PCDH15: variants seen among roughly 807,000 people sequenced by gnomAD.
PCDH15 encodes the protein protocadherin-15.
In PCDH15, 129 loss-of-function variants were observed where a neutral mutation model predicts 178.5. That is an observed-to-expected ratio of 0.72 (90% CI 0.63 to 0.84). The LOEUF is 0.84. PCDH15 is among the 40% of genes least tolerant of loss of function. PCDH15 has a pLI of 0.00. For synonymous variants in PCDH15, 800 were observed against 732.0 expected (o/e 1.09, Z -1.50); for missense variants, 2,230 against 2,099.9 (o/e 1.06, Z -1.21).
intron 2 of PCDH15, among the ~76,000 whole-genome samples, chr10:55,438,413 C>T (rs959122981): frequency 2.6e-5 from 4 of 152,122 alleles, no homozygotes; most frequent in African/African-American, 9.7e-5. Flanking sequence ...CAACAGCCAG[C>T]TCAGTATCTA....
At chr10:55,495,140 C>A (rs1421009162) in intron 2 of PCDH15, among the ~76,000 whole-genome samples, 2 of 151,606 alleles carry the variant, frequency 1.3e-5, no homozygotes, top group East Asian at 3.9e-4. Flanking sequence ...GAGTTAAAAC[C>A]ACAAAACTCT....
chr10:55,153,312 A>C (rs1838789498), intron 2 of PCDH15, among the ~76,000 whole-genome samples: 1 of 152,072 alleles, frequency 6.6e-6, no homozygotes, highest in Non-Finnish European at 1.5e-5. Context: ...GTGGGAGGTG[A>C]AATCCAGCCT....
intron 2 of PCDH15, among the ~76,000 whole-genome samples, chr10:54,947,825 T>G (rs1208013458): frequency 3.3e-5 from 5 of 151,942 alleles, no homozygotes; most frequent in Admixed American, 1.3e-4. Context: ...TTCTATCAAT[T>G]TATTTCCCTT....
intron 2 of PCDH15, among the ~76,000 whole-genome samples, chr10:55,594,989 T>G (rs1295145475): frequency 6.6e-6 from 1 of 152,034 alleles, no homozygotes; most frequent in Non-Finnish European, 1.5e-5. Context: ...CTGCCTTACT[T>G]AATGTAACAG....
chr10:54,240,626 CTTTTTT>C (rs1228784141), intron 8 of PCDH15, among the ~76,000 whole-genome samples: 3 of 79,662 alleles, frequency 3.8e-5, no homozygotes, highest in Non-Finnish European at 4.5e-5. Flanking sequence ...TTTTCTTTTG[CTTTTTT>C]TTTTTTTTTT....
rs77755229 is a variant in PCDH15 at position 55,508,978 on chromosome 10, A to T, written c.-156+118647T>A. On this transcript the variant is annotated intron_variant, in intron 2 of 5. Coordinates refer to the PCDH15 transcript ENST00000613346. ...GCAAAACAAAACAAAACAAAAAAAA[A>T]TATTTTTATTTCATAACACAAAAGC... 4.7e-3 allele frequency among the ~76,000 whole-genome samples: 718 copies of T among 151,924 alleles called. 6 individuals are homozygous for T. The highest frequency in any genetic ancestry group is 0.016 in the African/African-American group (684 of 41,526).
At chr10:54,465,306 G>T (rs573191863) in intron 3 of PCDH15, among the ~76,000 whole-genome samples, 1 of 151,864 alleles carries the variant, frequency 6.6e-6, no homozygotes, top group East Asian at 1.9e-4. Flanking sequence ...GTACATTGTT[G>T]TTTAGTAACT....
At chr10:54,967,818 G>A (rs1838830027) in intron 2 of PCDH15, among the ~76,000 whole-genome samples, 1 of 152,092 alleles carries the variant, frequency 6.6e-6, no homozygotes, top group African/African-American at 2.4e-5. Context: ...GATTTTTTCT[G>A]AGGCCTATTT....
intron 2 of PCDH15, among the ~76,000 whole-genome samples, chr10:55,593,238 T>C (rs915649774): frequency 6.6e-6 from 1 of 151,988 alleles, no homozygotes; most frequent in African/African-American, 2.4e-5. Flanking sequence ...TTTTCCAAAA[T>C]GTATGCTAAC....
At chr10:53,882,504 G>T (rs1425481022) in intron 26 of PCDH15, among the ~76,000 whole-genome samples, 1 of 152,166 alleles carries the variant, frequency 6.6e-6, no homozygotes, top group Non-Finnish European at 1.5e-5. Context: ...TAGGATTACA[G>T]GCACGCGCCA....
intron 2 of PCDH15, among the ~76,000 whole-genome samples, chr10:55,502,485 T>C (rs1464052578): frequency 3.3e-5 from 5 of 151,692 alleles, no homozygotes; most frequent in Admixed American, 6.6e-5. Context: ...GGATGTCACG[T>C]TGGAGTGTCA....
In PCDH15 at chr10:54,421,694, A is replaced by ATATATATATG. The variant is rs1955382559; in HGVS notation, c.158-42753_158-42752insCATATATATA. The stretch of plus-strand genomic sequence containing the variant: ...TACATATATATATATATATATATAT[A>ATATATATATG]CACACACACACACACACTATATATA... On this transcript the variant is annotated intron_variant, in intron 3 of 37. Transcript: ENST00000644397. 4.9e-5 allele frequency among the ~76,000 whole-genome samples: 4 copies of ATATATATATG among 81,734 alleles called. 1 individual carries two copies. Among genetic ancestry groups the ATATATATATG allele is most frequent in the African/African-American group, 9.9e-5 (1 of 10,112 alleles). 53.6% of individuals were successfully genotyped at this position (81,734 alleles called of 152,430 possible).
rs368937377 is a variant in PCDH15 at position 55,102,805 on chromosome 10, C to G, written c.-80+63771G>C. On this transcript the variant is annotated intron_variant, in intron 2 of 5. Transcript: ENST00000458638. ...GTGTAACATAAACATTTGAATAACA[C>G]ATATTTTTGTGTTATATATGTTATA... Among the ~76,000 whole-genome samples the G allele has an allele frequency of 2.0e-5, 3 of 151,226 alleles. No individual in the cohort carries two copies. The East Asian group carries it at 5.8e-4, about 29-fold the overall frequency.
chr10:55,585,953 C>T (rs1842719894), intron 2 of PCDH15, among the ~76,000 whole-genome samples: 1 of 151,994 alleles, frequency 6.6e-6, no homozygotes, highest in South Asian at 2.1e-4. Flanking sequence ...GGATGAATCT[C>T]CACATTTTTG....
Position 55,010,571 on chromosome 10 carries a change from G to A in PCDH15, c.-79-113071C>T, listed in dbSNP as rs114828110. Reference sequence around the variant, plus strand: ...ACTTGAATGACAAGAAGTCAGCCATGTCATTCAGGCTGAGGTGGCAACAGG... The same window carrying A: ...ACTTGAATGACAAGAAGTCAGCCATATCATTCAGGCTGAGGTGGCAACAGG... On this transcript the variant is annotated intron_variant, in intron 2 of 5. Coordinates refer to the PCDH15 transcript ENST00000458638. 3.9e-3 allele frequency among the ~76,000 whole-genome samples: 587 copies of A among 152,220 alleles called. 3 individuals are homozygous for A. The highest frequency in any genetic ancestry group is 0.014 in the African/African-American group (564 of 41,536).
chr10:55,084,238 A>G (rs1222418274), intron 2 of PCDH15, among the ~76,000 whole-genome samples: 1 of 151,828 alleles, frequency 6.6e-6, no homozygotes, highest in Non-Finnish European at 1.5e-5. Flanking sequence ...AAAAAAAGAC[A>G]TAGACCAATG....
chr10:55,312,847 C>A (rs892852158), intron 1 of PCDH15, among the ~76,000 whole-genome samples: 4 of 152,056 alleles, frequency 2.6e-5, no homozygotes, highest in Admixed American at 2.6e-4. Flanking sequence ...GAACTCCCAA[C>A]CTCAAGTGAT....
intron 2 of PCDH15, among the ~76,000 whole-genome samples, chr10:54,655,334 GAGAA>G (rs369827895): frequency 1.2e-4 from 17 of 142,698 alleles, no homozygotes; most frequent in African/African-American, 4.4e-4. Flanking sequence ...GAGAGAAAGA[GAGAA>G]AGAAAGAAAG....
intron 5 of PCDH15, among the ~76,000 whole-genome samples, chr10:54,364,125 T>C (rs1946457422): frequency 6.6e-6 from 1 of 151,280 alleles, no homozygotes; most frequent in Non-Finnish European, 1.5e-5. Flanking sequence ...GGCAGGAGAA[T>C]CGCTTGAACC....
Sources: allele counts gnomAD v4.1 joint callset (sites outside exome capture counted in the v4.1 genomes callset), GRCh38; gene constraint gnomAD v4.1.1; transcripts MANE v1.5; gene names NCBI Gene and HGNC (gene_info 2026-07-23, HGNC 2026-07-21).